The following SIM1 variants were observed in gnomAD, a reference collection of about 807,000 sequenced individuals.
SIM1 encodes single-minded homolog 1.
In SIM1, 18 loss-of-function variants were observed where a neutral mutation model predicts 78.2. The observed-to-expected ratio is 0.23, with a 90% confidence interval of 0.16 to 0.34. The LOEUF is 0.34. Among genes scored for constraint, SIM1 ranks in the 10% least tolerant of loss-of-function variants. SIM1 has a pLI of 1.00. For missense variants in SIM1, 939 were observed against 975.1 expected (o/e 0.96, Z 0.49); for synonymous variants, 417 against 385.2 (o/e 1.08, Z -0.97).
At position 100,393,814 on chromosome 6, in the gene SIM1, CCGTGT is replaced by C; in HGVS notation, c.1238_1242del (p.Asp413GlyfsTer11). ...GCGGGGTCCAGAAGCTGCGGAGAGG[CCGTGT>C]CGGTCAAGGGACTTCCGCCCCACTG... On this transcript the variant is annotated frameshift_variant, in exon 11 of 12. Transcript: ENST00000369208. LOFTEE classifies it high-confidence loss of function. The C allele has an allele frequency of 6.2e-7, 1 of 1,612,554 alleles. No individual in the cohort carries two copies. The highest frequency in any genetic ancestry group is 8.5e-7 in the Non-Finnish European group (1 of 1,179,112).
intron 2 of SIM1, among the ~76,000 whole-genome samples, chr6:100,456,392 C>A (rs1440504690): frequency 6.6e-6 from 1 of 152,176 alleles, no homozygotes; most frequent in East Asian, 1.9e-4. Flanking sequence ...ATTCGCAAAT[C>A]CTTTGATTGT....
intron 2 of SIM1, among the ~76,000 whole-genome samples, chr6:100,461,051 G>A (rs2114558916): frequency 6.6e-6 from 1 of 150,982 alleles, no homozygotes; most frequent in Non-Finnish European, 1.5e-5. Flanking sequence ...CTCACCCACA[G>A]AAGGGAGAGA....
chr6:100,452,318 C>T (rs536737508), intron 3 of SIM1, among the ~76,000 whole-genome samples: 2 of 152,216 alleles, frequency 1.3e-5, no homozygotes, highest in Non-Finnish European at 2.9e-5. Context: ...GTAAACTATA[C>T]ACTGTACCAG....
intron 2 of SIM1, among the ~76,000 whole-genome samples, chr6:100,456,201 G>T (rs541989549): frequency 1.3e-5 from 2 of 152,184 alleles, no homozygotes; most frequent in South Asian, 4.2e-4. Context: ...ATCTAATATC[G>T]AAGGAACCTC....
At chr6:100,442,483 T>G (rs1772242508) in intron 9 of SIM1, among the ~76,000 whole-genome samples, 2 of 152,172 alleles carry the variant, frequency 1.3e-5, no homozygotes, top group Non-Finnish European at 2.9e-5. Flanking sequence ...TAGTAAAGAT[T>G]AAACACAATT....
In SIM1 at chr6:100,386,050, CTG is replaced by C. The variant is rs1366543215; in HGVS notation, c.*4309_*4310del. ...GTAAGAACTAGTTCAGTAGATTTTT[CTG>C]TCTTAGACATAAATCCCTATTCACA... is the stretch of plus-strand genomic sequence containing the variant. On this transcript the variant is annotated 3_prime_UTR_variant, in exon 12 of 12. Coordinates refer to ENST00000369208, the MANE Select transcript of SIM1 (RefSeq NM_005068.3). 6.6e-6 allele frequency: 1 copy of C among 151,994 alleles called. No homozygotes were observed. The highest frequency in any genetic ancestry group is 6.6e-5 in the Admixed American group (1 of 15,248). 9.4% of individuals were successfully genotyped at this position (151,994 alleles called of 1,614,324 possible). A position where few individuals can be genotyped will look rare whatever the true frequency, so the allele number is the denominator to read the frequency against.
chr6:100,417,339 C>G (rs754297167), intron 10 of SIM1, among the ~76,000 whole-genome samples: 24 of 152,292 alleles, frequency 1.6e-4, no homozygotes, highest in East Asian at 1.9e-4. Flanking sequence ...ATGACTTCAT[C>G]TGTACTGCGA....
intron 9 of SIM1, among the ~76,000 whole-genome samples, chr6:100,426,694 C>T (rs368913089): frequency 1.1e-3 from 168 of 152,194 alleles, no homozygotes; most frequent in African/African-American, 3.9e-3. Context: ...AAGCAATCAA[C>T]AGTATTTTAT....
In SIM1 at chr6:100,412,587, GAA is replaced by G. The variant is rs1265199331; in HGVS notation, c.1167+8201_1167+8202del. ...AGAAAGAAAGAAAGAAAGAAAGAAAGAAAGAAAGAAAGAAAGAAAGAAAGGAA... is the reference window on the plus strand; with the variant it reads ...AGAAAGAAAGAAAGAAAGAAAGAAAGAGAAAGAAAGAAAGAAAGAAAGGAA... On this transcript the variant is annotated intron_variant, in intron 10 of 11. Coordinates refer to ENST00000369208, the MANE Select transcript of SIM1 (RefSeq NM_005068.3). 1.2e-4 allele frequency among the ~76,000 whole-genome samples: 11 copies of G among 90,292 alleles called. 1 individual carries two copies. The highest frequency in any genetic ancestry group is 4.4e-4 in the African/African-American group (11 of 25,166). 59.2% of individuals were successfully genotyped at this position (90,292 alleles called of 152,430 possible).
intron 9 of SIM1, among the ~76,000 whole-genome samples, chr6:100,446,618 G>A (rs1772361889): frequency 6.6e-6 from 1 of 152,232 alleles, no homozygotes; most frequent in Admixed American, 6.5e-5. Context: ...GCAGGCCTCT[G>A]CAGCCTCCCT....
chr6:100,447,286 C>CT lies in SIM1; in HGVS notation c.979dup (p.Ser327LysfsTer40). On this transcript the variant is annotated frameshift_variant, in exon 9 of 12. Coordinates refer to ENST00000369208, the MANE Select transcript of SIM1 (RefSeq NM_005068.3). LOFTEE classifies it high-confidence loss of function. ...CACTCACGTGAGGACATAGTTGACG[C>CT]TGACGATACAGTGTGGCCTGGAGGA... 6.2e-7 allele frequency: 1 copy of CT among 1,614,224 alleles called. No homozygotes were observed. The highest frequency in any genetic ancestry group is 8.5e-7 in the Non-Finnish European group (1 of 1,180,040).
At chr6:100,436,743 T>A (rs541907301) in intron 9 of SIM1, among the ~76,000 whole-genome samples, 1 of 71,332 alleles carries the variant, frequency 1.4e-5, no homozygotes, top group East Asian at 5.8e-4. Flanking sequence ...GTTTTTGGTA[T>A]TTTTTTTTTT....
At chr6:100,428,365 C>T (rs1013269469) in intron 9 of SIM1, among the ~76,000 whole-genome samples, 5 of 151,932 alleles carry the variant, frequency 3.3e-5, no homozygotes, top group African/African-American at 1.2e-4. Flanking sequence ...ATAATAAATA[C>T]AATATATCTA....
At chr6:100,413,084 C>T (rs564302167) in intron 10 of SIM1, among the ~76,000 whole-genome samples, 1 of 152,342 alleles carries the variant, frequency 6.6e-6, no homozygotes, top group African/African-American at 2.4e-5. Context: ...ATACCACCAC[C>T]ACCACAGATA....
Position 100,390,473 on chromosome 6 carries a change from T to C in SIM1, c.2189A>G (p.Tyr730Cys), listed in dbSNP as rs768810300. ...GTGTGAGCCATTACAGCCCAAGGAA[T>C]AGTTTCTAATGGTTTCGCTGTCATA... ...HLYDSETIRN[Y>C]SLGCNGSHFD... Residue 730 changes from tyrosine (Y) to cysteine (C), a missense_variant, in exon 12 of 12, where the codon TAT becomes TGT. Around this residue, in one of 5 missense-constraint regions of SIM1, gnomAD observed 556 missense variants for 521.9 expected, o/e 1.07. Coordinates refer to ENST00000369208, the MANE Select transcript of SIM1 (RefSeq NM_005068.3). 1.2e-6 allele frequency: 2 copies of C among 1,614,068 alleles called. No individual in the cohort carries two copies. The highest frequency in any genetic ancestry group is 1.7e-5 in the Admixed American group (1 of 60,006).
intron 10 of SIM1, among the ~76,000 whole-genome samples, chr6:100,411,255 C>A (rs1771185037): frequency 6.6e-6 from 1 of 152,154 alleles, no homozygotes; most frequent in Non-Finnish European, 1.5e-5. Flanking sequence ...AACACACATA[C>A]AAAGTAAATA....
At chr6:100,412,629 AAAG>A (rs1243010344) in intron 10 of SIM1, among the ~76,000 whole-genome samples, 5 of 109,798 alleles carry the variant, frequency 4.6e-5, no homozygotes, top group African/African-American at 9.9e-5. Flanking sequence ...AGAAGGAAAG[AAAG>A]AAAGAAAAGA....
rs192937998 is a variant in SIM1, at chr6:100,416,604, C to T, written c.1167+4186G>A. On this transcript the variant is annotated intron_variant, in intron 10 of 11. Coordinates refer to ENST00000369208, the MANE Select transcript of SIM1 (RefSeq NM_005068.3). ...GCCATCTTATTTTTGAAAAAATGGA[C>T]AGAAATATTTAAAATTAAATACAAT... Among the ~76,000 whole-genome samples the T allele has an allele frequency of 3.7e-3, 570 of 152,040 alleles. 3 individuals carry two copies. Among genetic ancestry groups the T allele is most frequent in the African/African-American group, 0.013 (554 of 41,456 alleles).
intron 9 of SIM1, among the ~76,000 whole-genome samples, chr6:100,443,784 A>G (rs1170691549): frequency 6.6e-6 from 1 of 152,132 alleles, no homozygotes; most frequent in Non-Finnish European, 1.5e-5. Context: ...CTTTGAAGTG[A>G]TTTAGCAGGA....
Sources: allele counts gnomAD v4.1 joint callset (sites outside exome capture counted in the v4.1 genomes callset), GRCh38; gene constraint gnomAD v4.1.1; regional missense constraint gnomAD v4.1.1; transcripts MANE v1.5; gene names NCBI Gene and HGNC (gene_info 2026-07-23, HGNC 2026-07-21).